The following PTPRA variants were observed in gnomAD, a reference collection of about 807,000 sequenced individuals.
PTPRA encodes protein tyrosine phosphatase receptor type A.
In PTPRA, 25 loss-of-function variants were observed where a neutral mutation model predicts 104.8. The ratio of observed to expected loss-of-function variants is 0.24; its 90% CI spans 0.17 to 0.33. The LOEUF is 0.33. PTPRA is among the 10% of genes least tolerant of loss of function. PTPRA has a pLI of 1.00. For missense variants in PTPRA, 765 were observed against 1,015.3 expected, an observed-to-expected ratio of 0.75 and a Z score of 3.35; for synonymous variants, 323 against 368.9, an observed-to-expected ratio of 0.88 and a Z score of 1.43.
intron 20 of PTPRA, among the ~76,000 whole-genome samples, chr20:3,031,095 C>A (rs1974490478): frequency 6.6e-6 from 1 of 152,148 alleles, no homozygotes; most frequent in African/African-American, 2.4e-5. Flanking sequence ...AACTCCCATG[C>A]TGGGTCAACC....
rs115364471 is a variant in PTPRA at position 2,945,059 on chromosome 20, T to C, written c.-49-2923T>C. 5.0e-3 allele frequency among the ~76,000 whole-genome samples: 754 copies of C among 152,322 alleles called. 6 individuals carry two copies. The highest frequency in any genetic ancestry group is 0.017 in the African/African-American group (700 of 41,572). On this transcript the variant is annotated intron_variant, in intron 2 of 23. Transcript: ENST00000399903. ...CTTTGGTATTTTTTTATAAATCTTTTTGCTTCTCTCTGCTTCATTCTAGAT... is the reference window on the plus strand; with the variant it reads ...CTTTGGTATTTTTTTATAAATCTTTCTGCTTCTCTCTGCTTCATTCTAGAT...
At chr20:3,005,244 G>A (rs2063809616) in intron 10 of PTPRA, 98 bp downstream of exon 10, 1 of 1,219,648 alleles carries the variant, frequency 8.2e-7, no homozygotes, top group Non-Finnish European at 1.2e-6. Flanking sequence ...GCACAGCAGG[G>A]TGAATAACAA....
At chr20:2,929,144 G>A (rs2060417304) in intron 2 of PTPRA, among the ~76,000 whole-genome samples, 1 of 151,400 alleles carries the variant, frequency 6.6e-6, no homozygotes, top group African/African-American at 2.4e-5. Flanking sequence ...GTAGAGACAG[G>A]GTTTCACCAT....
the PTPRA span, chr20:2,866,392 C>G: frequency 6.2e-7 from 1 of 1,614,036 alleles, no homozygotes; most frequent in Non-Finnish European, 8.5e-7. Flanking sequence ...TGCCCTTGAG[C>G]AGCCCCAACA....
At chr20:3,018,215 T>C (rs2064569015) in intron 13 of PTPRA, among the ~76,000 whole-genome samples, 1 of 150,090 alleles carries the variant, frequency 6.7e-6, no homozygotes, top group Admixed American at 6.6e-5. Context: ...TTTTTGTTGT[T>C]GTTTTGTTTT....
chr20:2,928,016 TCA>T (rs747040162), intron 2 of PTPRA, among the ~76,000 whole-genome samples: 1 of 151,228 alleles, frequency 6.6e-6, no homozygotes, highest in Non-Finnish European at 1.5e-5. Context: ...TCTCAGTCAA[TCA>T]ATCAGTCAAT....
the PTPRA span, chr20:2,866,617 G>T: frequency 6.2e-7 from 1 of 1,607,926 alleles, no homozygotes; most frequent in Non-Finnish European, 8.5e-7. Flanking sequence ...TCCTCCCCTA[G>T]CACCTGGGCT....
At chr20:3,014,153 G>T (rs2148367176) in intron 11 of PTPRA, among the ~76,000 whole-genome samples, 1 of 152,310 alleles carries the variant, frequency 6.6e-6, no homozygotes, top group African/African-American at 2.4e-5. Flanking sequence ...TTAACATCCA[G>T]AATTAAGGCT....
chr20:2,923,399 T>G (rs2060168898), intron 2 of PTPRA, 114 bp downstream of exon 2: 4 of 652,716 alleles, frequency 6.1e-6, no homozygotes, highest in Non-Finnish European at 8.7e-6. Context: ...GCTGTAAGAG[T>G]AGCTTATTTT....
intron 1 of PTPRA, among the ~76,000 whole-genome samples, chr20:2,897,411 G>A (rs549361985): frequency 2.5e-4 from 33 of 132,690 alleles, no homozygotes; most frequent in African/African-American, 8.1e-4. Context: ...TTTTTGAGAC[G>A]GAGTCTCGCT....
chr20:3,029,741 T>A (rs2148485097), intron 20 of PTPRA, among the ~76,000 whole-genome samples: 1 of 152,098 alleles, frequency 6.6e-6, no homozygotes, highest in East Asian at 1.9e-4. Flanking sequence ...TTGGCCAGGC[T>A]TGTCTCAAAC....
Position 3,005,065 on chromosome 20 carries a change from G to C in PTPRA, c.748G>C (p.Ala250Pro). 1 of 1,605,578 alleles carries C rather than the reference G, an allele frequency of 6.2e-7. No homozygotes were observed. Among genetic ancestry groups the C allele is most frequent in the Non-Finnish European group, 8.5e-7 (1 of 1,172,376 alleles). The change falls in exon 10 of 24, where the codon GCA becomes CCA. Residue 250 changes from alanine (A) to proline (P), a missense_variant. By Grantham distance (27) the Ala-to-Pro change is conservative. Transcript: ENST00000399903. ...TCTCTTAACCTTTCAGGCTCTCCCT[G>C]CATGTCCTATCCAGGCCACCTGTGA... ...LFREEFNALP[A>P]CPIQATCEAA...
rs780890496 is a variant in PTPRA at position 2,964,903 on chromosome 20, C to T, written c.116C>T (p.Thr39Met). The change falls in exon 5 of 24, where the codon ACG becomes ATG. Residue 39 changes from threonine to methionine, a missense_variant. Around this residue, in one of 4 missense-constraint regions of PTPRA, gnomAD observed 256 missense variants for 248.9 expected, o/e 1.03. Coordinates refer to ENST00000399903, the MANE Select transcript of PTPRA (RefSeq NM_001385305.1). ...VGITRLINSS[T>M]AEPVKEEAKT... ...ATTACAAGATTAATTAACTCATCAACGGCAGAACCAGTTAAAGAAGAGGCC... is the reference window on the plus strand; with the variant it reads ...ATTACAAGATTAATTAACTCATCAATGGCAGAACCAGTTAAAGAAGAGGCC... 5.7e-5 allele frequency: 92 copies of T among 1,613,996 alleles called. No individual in the cohort carries two copies. The East Asian group carries it at 9.1e-4, about 16-fold the overall frequency.
At chr20:3,031,863 T>A (rs1294899045) in intron 20 of PTPRA, among the ~76,000 whole-genome samples, 1 of 152,218 alleles carries the variant, frequency 6.6e-6, no homozygotes, top group East Asian at 1.9e-4. Flanking sequence ...TATTCCCTCA[T>A]GCTTTCTTAC....
At chr20:2,893,516 T>C (rs1465190301) in intron 1 of PTPRA, among the ~76,000 whole-genome samples, 2 of 152,234 alleles carry the variant, frequency 1.3e-5, no homozygotes, top group Non-Finnish European at 2.9e-5. Context: ...ATATATTATG[T>C]AGCTATATGA....
In PTPRA at chr20:2,905,690, CTTTTT is replaced by C. The variant is rs11479039; in HGVS notation, c.-128-17497_-128-17493del. ...GATTGGGGGTGGAAATCATAAAATT[CTTTTT>C]TTTTTTTTTTTTTTTTTTTGCTCTT... On this transcript the variant is annotated intron_variant, in intron 1 of 23. Transcript: ENST00000399903. Among the ~76,000 whole-genome samples, 513 of 70,652 alleles carry C rather than the reference CTTTTT, an allele frequency of 7.3e-3. 2 individuals carry two copies. Among genetic ancestry groups the C allele is most frequent in the African/African-American group, 0.026 (468 of 18,098 alleles). 46.4% of individuals were successfully genotyped at this position (70,652 alleles called of 152,430 possible).
intron 2 of PTPRA, among the ~76,000 whole-genome samples, chr20:2,940,653 C>G (rs1365473019): frequency 6.6e-6 from 1 of 152,084 alleles, no homozygotes; most frequent in Non-Finnish European, 1.5e-5. Context: ...CTCGACCTCC[C>G]AGGCTCATGG....
At chr20:2,919,636 T>G (rs2060031295) in intron 1 of PTPRA, among the ~76,000 whole-genome samples, 1 of 151,994 alleles carries the variant, frequency 6.6e-6, no homozygotes, top group African/African-American at 2.4e-5. Context: ...CTCCACTCAC[T>G]CTCAAGGATC....
Position 2,926,006 on chromosome 20 carries a change from G to A in PTPRA, c.-50+2721G>A, listed in dbSNP as rs545207197. On this transcript the variant is annotated intron_variant, in intron 2 of 23. Transcript: ENST00000399903. ...ACTGCATCATTTTATATTCCCACCA[G>A]CAATGCACAAGGGCTTCAATTTCTT... Among the ~76,000 whole-genome samples, 5 of 152,214 alleles carry A rather than the reference G, an allele frequency of 3.3e-5. No individual in the cohort carries two copies. The South Asian group carries it at 1.0e-3, about 32-fold the overall frequency.
Sources: allele counts gnomAD v4.1 joint callset (sites outside exome capture counted in the v4.1 genomes callset), GRCh38; gene constraint gnomAD v4.1.1; regional missense constraint gnomAD v4.1.1; transcripts MANE v1.5; gene names NCBI Gene and HGNC (gene_info 2026-07-23, HGNC 2026-07-21).